The following CRTC3 variants were observed in gnomAD, a reference collection of about 807,000 sequenced individuals.
The protein encoded by CRTC3 is CREB-regulated transcription coactivator 3.
A neutral mutation model predicts 74.5 loss-of-function variants in CRTC3; 26 were observed. That is an observed-to-expected ratio of 0.35 (90% CI 0.26 to 0.48). CRTC3 has a LOEUF of 0.48. CRTC3 is among the 20% of genes least tolerant of loss of function. CRTC3 has a pLI of 0.99. For missense variants in CRTC3, 760 were observed against 787.3 expected (o/e 0.97, Z 0.41); for synonymous variants, 377 against 325.8 (o/e 1.16, Z -1.69).
chr15:90,563,696 C>T (rs914024168), intron 2 of CRTC3, among the ~76,000 whole-genome samples: 1 of 152,016 alleles, frequency 6.6e-6, no homozygotes. Context: ...GTTAGCCAAC[C>T]GAGAGCAAGA....
At chr15:90,586,486 C>T (rs964091848) in intron 2 of CRTC3, among the ~76,000 whole-genome samples, 22 of 151,324 alleles carry the variant, frequency 1.5e-4, no homozygotes, top group African/African-American at 4.9e-4. Context: ...TCTGCCTTAG[C>T]CTCCCGGTAG....
rs936585945 is a variant in CRTC3 at position 90,571,332 on chromosome 15, A to G, written c.232-22304A>G. 1.1e-3 allele frequency among the ~76,000 whole-genome samples: 168 copies of G among 152,174 alleles called. 1 individual carries two copies. Among genetic ancestry groups the G allele is most frequent in the Non-Finnish European group, 4.4e-4 (30 of 68,018 alleles). ...GGAGGTCCCAGGAAAGGCTTCCTGGAGGAAGAGGTGACTAAGCTGGGACCT... is the reference window on the plus strand; with the variant it reads ...GGAGGTCCCAGGAAAGGCTTCCTGGGGGAAGAGGTGACTAAGCTGGGACCT... On this transcript the variant is annotated intron_variant, in intron 2 of 14. Transcript: ENST00000268184.
At chr15:90,537,376 C>T (rs1421162925) in intron 1 of CRTC3, among the ~76,000 whole-genome samples, 5 of 152,132 alleles carry the variant, frequency 3.3e-5, no homozygotes, top group South Asian at 2.1e-4. Context: ...TCACATCATC[C>T]GATTCCAGGT....
chr15:90,606,431 G>T (rs576402722), intron 5 of CRTC3, among the ~76,000 whole-genome samples: 1 of 151,900 alleles, frequency 6.6e-6, no homozygotes, highest in Admixed American at 6.6e-5. Context: ...GCATGGTGAC[G>T]CACGTCTATA....
intron 2 of CRTC3, among the ~76,000 whole-genome samples, chr15:90,582,931 C>T (rs549531322): frequency 6.6e-6 from 1 of 152,292 alleles, no homozygotes; most frequent in East Asian, 1.9e-4. Context: ...AGACATAGAC[C>T]TTATTCTCTG....
chr15:90,559,326 T>A (rs1013241120), intron 2 of CRTC3, among the ~76,000 whole-genome samples: 4 of 152,100 alleles, frequency 2.6e-5, no homozygotes, highest in South Asian at 4.1e-4. Context: ...GAAAACTGAG[T>A]CTTAAGAGGT....
Position 90,603,058 on chromosome 15 carries a change from TC to T in CRTC3, c.413+674del, listed in dbSNP as rs1968118000. On this transcript the variant is annotated intron_variant, in intron 4 of 14. Coordinates refer to ENST00000268184, the MANE Select transcript of CRTC3 (RefSeq NM_022769.5). Reference sequence around the variant, plus strand: ...GAAAAGTTATTTAAAGAAATCTAGATCTTCATATTTAAAACCAAATAGAAAC... The same window carrying T: ...GAAAAGTTATTTAAAGAAATCTAGATTTCATATTTAAAACCAAATAGAAAC... 2.6e-5 allele frequency among the ~76,000 whole-genome samples: 4 copies of T among 152,124 alleles called. No individual in the cohort carries two copies. In the South Asian group the frequency reaches 8.3e-4, roughly 31 times the overall value.
At chr15:90,568,591 T>G (rs551536998) in intron 2 of CRTC3, among the ~76,000 whole-genome samples, 1 of 151,466 alleles carries the variant, frequency 6.6e-6, no homozygotes, top group Non-Finnish European at 1.5e-5. Flanking sequence ...CCTTAAGTGT[T>G]CCACCTGCCT....
intron 11 of CRTC3, among the ~76,000 whole-genome samples, chr15:90,635,328 A>C (rs1447626238): frequency 6.6e-6 from 1 of 152,030 alleles, no homozygotes; most frequent in Non-Finnish European, 1.5e-5. Context: ...TTTCCTTGGG[A>C]AACTCCTGGT....
At chr15:90,533,157 A>C (rs975775471) in intron 1 of CRTC3, among the ~76,000 whole-genome samples, 2 of 142,960 alleles carry the variant, frequency 1.4e-5, no homozygotes, top group African/African-American at 2.6e-5. Context: ...TAATCCCAGC[A>C]CTTTGGAAGG....
intron 8 of CRTC3, 108 bp from the exon 9 acceptor site, chr15:90,619,633 G>A: frequency 1.2e-6 from 1 of 846,726 alleles, no homozygotes; most frequent in Non-Finnish European, 2.0e-6. Context: ...CGACACGCAA[G>A]CTCTCACTTG....
intron 1 of CRTC3, among the ~76,000 whole-genome samples, chr15:90,533,422 GA>G (rs11370876): frequency 0.17 from 23,701 of 138,762 alleles, 2,208 homozygotes; most frequent in African/African-American, 0.25. Flanking sequence ...CTCCGCCTAG[GA>G]AAAAAAAAAA....
chr15:90,627,621 CTT>C (rs770224809), intron 10 of CRTC3, among the ~76,000 whole-genome samples: 2 of 144,616 alleles, frequency 1.4e-5, no homozygotes, highest in Admixed American at 6.9e-5. Flanking sequence ...TCTGTATTTT[CTT>C]TTTTTTTTTT....
chr15:90,605,795 C>G (rs947485358), intron 5 of CRTC3, among the ~76,000 whole-genome samples: 1 of 152,118 alleles, frequency 6.6e-6, no homozygotes, highest in Admixed American at 6.5e-5. Context: ...AGTTGCTTAC[C>G]GTAAAGTCCT....
chr15:90,531,266 A>G (rs959685595), intron 1 of CRTC3, among the ~76,000 whole-genome samples: 5 of 152,126 alleles, frequency 3.3e-5, no homozygotes, highest in African/African-American at 1.2e-4. Flanking sequence ...TTATTTATAT[A>G]TGTTAAAAAT....
intron 11 of CRTC3, chr15:90,637,934 C>T (rs553133636): frequency 1.3e-5 from 2 of 153,860 alleles, no homozygotes; most frequent in African/African-American, 4.8e-5. Context: ...ATCTGCTGCT[C>T]ATTTTCCAGC....
chr15:90,592,278 G>A (rs1022210842), intron 2 of CRTC3, among the ~76,000 whole-genome samples: 2 of 152,226 alleles, frequency 1.3e-5, no homozygotes, highest in Non-Finnish European at 2.9e-5. Flanking sequence ...TGATGGATAT[G>A]TTAATAACTT....
intron 13 of CRTC3, among the ~76,000 whole-genome samples, chr15:90,639,933 C>T (rs1164886525): frequency 6.6e-6 from 1 of 151,962 alleles, no homozygotes; most frequent in Non-Finnish European, 1.5e-5. Context: ...CCTGTAGTCC[C>T]AGCTACTCGG....
Position 90,630,253 on chromosome 15 carries a change from G to A in CRTC3, c.1266+721G>A, listed in dbSNP as rs1968988676. Among the ~76,000 whole-genome samples the A allele has an allele frequency of 2.6e-5, 4 of 152,170 alleles. No individual in the cohort carries two copies. The South Asian group carries it at 8.3e-4, about 32-fold the overall frequency. ...GACTCTCTAAGTACATTAAGCCATA[G>A]GGGAAAGCCAAAGAAAACATTTAAT... On this transcript the variant is annotated intron_variant, in intron 11 of 14. Transcript: ENST00000268184.
Sources: allele counts gnomAD v4.1 joint callset (sites outside exome capture counted in the v4.1 genomes callset), GRCh38; gene constraint gnomAD v4.1.1; transcripts MANE v1.5; gene names NCBI Gene and HGNC (gene_info 2026-07-23, HGNC 2026-07-21).